The following KCNH7 variants were observed in gnomAD, a reference collection of about 807,000 sequenced individuals.
KCNH7 encodes potassium voltage-gated channel subfamily H member 7.
A neutral mutation model predicts 120.8 loss-of-function variants in KCNH7; 49 were observed. The observed-to-expected ratio is 0.41, with a 90% CI of 0.32 to 0.51. The LOEUF is 0.51. Among genes scored for constraint, KCNH7 ranks in the 20% least tolerant of loss-of-function variants. The probability of loss-of-function intolerance (pLI) is 0.38; values close to 1 mark genes in which losing one functional copy is unlikely to be tolerated. For synonymous variants in KCNH7, 547 were observed against 516.1 expected (o/e 1.06, Z -0.81); for missense variants, 1,097 against 1,446.6 (o/e 0.76, Z 3.92).
intron 2 of KCNH7, among the ~76,000 whole-genome samples, chr2:162,641,830 C>T (rs1357404715): frequency 7.1e-6 from 1 of 141,048 alleles, no homozygotes; most frequent in Non-Finnish European, 1.5e-5. Context: ...TGGGATCTCT[C>T]TACATTATTT....
intron 2 of KCNH7, among the ~76,000 whole-genome samples, chr2:162,757,133 T>G (rs1292945188): frequency 1.3e-5 from 2 of 152,194 alleles, no homozygotes; most frequent in African/African-American, 2.4e-5. Context: ...ATTTTTAGAT[T>G]ATTATTTTTT....
At chr2:162,448,359 G>A (rs1025836511) in intron 6 of KCNH7, among the ~76,000 whole-genome samples, 2 of 151,958 alleles carry the variant, frequency 1.3e-5, no homozygotes, top group African/African-American at 4.8e-5. Flanking sequence ...GCTTTATTTT[G>A]GCTTTCAAAG....
intron 14 of KCNH7, among the ~76,000 whole-genome samples, chr2:162,376,107 T>C (rs1485587532): frequency 3.9e-5 from 6 of 152,074 alleles, no homozygotes; most frequent in Non-Finnish European, 8.8e-5. Context: ...ACCCACAATG[T>C]AGCAGGCACA....
At chr2:162,622,468 C>A (rs1458838440) in intron 2 of KCNH7, among the ~76,000 whole-genome samples, 1 of 152,070 alleles carries the variant, frequency 6.6e-6, no homozygotes, top group African/African-American at 2.4e-5. Context: ...TGGCAGTGGT[C>A]AAATGGATTT....
chr2:162,472,835 G>A (rs936124921), intron 6 of KCNH7, among the ~76,000 whole-genome samples: 1 of 152,154 alleles, frequency 6.6e-6, no homozygotes, highest in African/African-American at 2.4e-5. Flanking sequence ...ACTTGGAACC[G>A]ACCCAAATGT....
At chr2:162,801,076 C>T (rs1684328476) in intron 2 of KCNH7, among the ~76,000 whole-genome samples, 1 of 151,704 alleles carries the variant, frequency 6.6e-6, no homozygotes, top group Admixed American at 6.6e-5. Context: ...GAAAGGTAAA[C>T]ACAAGGGTTC....
chr2:162,828,226 A>G (rs1204478398), intron 2 of KCNH7, among the ~76,000 whole-genome samples: 1 of 152,164 alleles, frequency 6.6e-6, no homozygotes, highest in African/African-American at 2.4e-5. Flanking sequence ...TAATCTTAGT[A>G]TATGCAAATA....
At chr2:162,468,123 T>A (rs768716756) in intron 6 of KCNH7, among the ~76,000 whole-genome samples, 2 of 152,170 alleles carry the variant, frequency 1.3e-5, no homozygotes, top group Non-Finnish European at 2.9e-5. Flanking sequence ...GTCCTCTCCA[T>A]CTGGGAGTAG....
intron 6 of KCNH7, among the ~76,000 whole-genome samples, chr2:162,468,512 C>CTTTTT (rs1166606647): frequency 3.8e-5 from 3 of 78,918 alleles, no homozygotes; most frequent in Admixed American, 1.5e-4. Flanking sequence ...TATTCTTTTC[C>CTTTTT]TTTTTTTTTT....
At chr2:162,758,008 T>C (rs997929190) in intron 2 of KCNH7, among the ~76,000 whole-genome samples, 1 of 152,154 alleles carries the variant, frequency 6.6e-6, no homozygotes, top group African/African-American at 2.4e-5. Flanking sequence ...ATATCAACTC[T>C]TAAAGGAGAT....
intron 2 of KCNH7, among the ~76,000 whole-genome samples, chr2:162,793,063 A>C (rs1291820665): frequency 6.6e-6 from 1 of 151,898 alleles, no homozygotes; most frequent in African/African-American, 2.4e-5. Context: ...TTCTGCCTTA[A>C]TTTTATTATT....
intron 2 of KCNH7, chr2:162,797,148 T>A (rs139547798): frequency 6.6e-6 from 1 of 152,198 alleles, no homozygotes; most frequent in East Asian, 1.9e-4. Context: ...CTGTCTCTCG[T>A]GTCTTATGGC....
intron 2 of KCNH7, among the ~76,000 whole-genome samples, chr2:162,612,223 C>T (rs145582103): frequency 1.3e-5 from 2 of 152,064 alleles, no homozygotes; most frequent in African/African-American, 4.8e-5. Context: ...CATCATGGCA[C>T]CTTTGCAAGA....
intron 2 of KCNH7, among the ~76,000 whole-genome samples, chr2:162,780,543 A>G (rs957377149): frequency 2.6e-5 from 4 of 152,188 alleles, no homozygotes; most frequent in Non-Finnish European, 1.5e-5. Flanking sequence ...ATTAAAGATA[A>G]CAACCCAGTG....
intron 2 of KCNH7, chr2:162,796,297 T>C (rs185126540): frequency 6.6e-6 from 1 of 151,900 alleles, no homozygotes; most frequent in African/African-American, 2.4e-5. Flanking sequence ...AGATTGAATG[T>C]GATAATGCAT....
rs75549699 is a variant in KCNH7 at position 162,830,239 on chromosome 2, T to C, written c.307+6298A>G. On this transcript the variant is annotated intron_variant, in intron 2 of 15. Coordinates refer to ENST00000332142, the MANE Select transcript of KCNH7 (RefSeq NM_033272.4). ...TAGAAAGTCTTTGAAATATTCATTA[T>C]AGGTAAAGAAAAACTTCTAAAGACT... Among the ~76,000 whole-genome samples, 5 of 152,280 alleles carry C rather than the reference T, an allele frequency of 3.3e-5. No homozygotes were observed. The East Asian group carries it at 9.6e-4, about 29-fold the overall frequency.
intron 2 of KCNH7, among the ~76,000 whole-genome samples, chr2:162,833,569 T>C (rs1325484040): frequency 2.6e-5 from 4 of 152,120 alleles, no homozygotes; most frequent in African/African-American, 9.7e-5. Context: ...TAAAATAGAA[T>C]CCTCAAAGGA....
At chr2:162,491,868 G>A (rs1690321066) in intron 6 of KCNH7, among the ~76,000 whole-genome samples, 1 of 152,130 alleles carries the variant, frequency 6.6e-6, no homozygotes, top group Non-Finnish European at 1.5e-5. Flanking sequence ...GAATCACTGG[G>A]ATTCCTTTGG....
intron 2 of KCNH7, among the ~76,000 whole-genome samples, chr2:162,749,786 G>A (rs1688476560): frequency 6.6e-6 from 1 of 151,788 alleles, no homozygotes; most frequent in Non-Finnish European, 1.5e-5. Flanking sequence ...CGTCTCTATG[G>A]GTTTTAAAAG....
Sources: gnomAD v4.1 joint callset for allele counts (sites outside exome capture counted in the v4.1 genomes callset) on GRCh38, gnomAD v4.1.1 for gene constraint, MANE v1.5 for transcripts, NCBI Gene and HGNC (gene_info 2026-07-23, HGNC 2026-07-21) for gene names.